The following DTNBP1 variants were observed in gnomAD, a reference collection of about 807,000 sequenced individuals.
DTNBP1 encodes the protein dystrobrevin binding protein 1.
A neutral mutation model predicts 42.8 loss-of-function variants in DTNBP1; 35 were observed. The observed-to-expected ratio is 0.82, with a 90% CI of 0.63 to 1.09. DTNBP1 has a LOEUF of 1.09. DTNBP1 is among the 50% of genes least tolerant of loss of function. The pLI is 0.00. For synonymous variants in DTNBP1, 171 were observed against 162.2 expected (o/e 1.05, Z -0.41); for missense variants, 457 against 424.2 (o/e 1.08, Z -0.68).
At chr6:15,551,757 G>A (rs887348372) in intron 7 of DTNBP1, among the ~76,000 whole-genome samples, 3 of 152,214 alleles carry the variant, frequency 2.0e-5, no homozygotes, top group Admixed American at 2.0e-4. Context: ...TGCCTGTCAT[G>A]GAGTTGGCGC....
At position 15,530,927 on chromosome 6, in the gene DTNBP1, A is replaced by T. The variant is rs1294950394; in HGVS notation, c.667+2313T>A. 2.0e-5 allele frequency among the ~76,000 whole-genome samples: 3 copies of T among 152,190 alleles called. No homozygotes were observed. The East Asian group carries it at 5.8e-4, about 29-fold the overall frequency. On this transcript the variant is annotated intron_variant, in intron 8 of 9. Coordinates refer to ENST00000344537, the MANE Select transcript of DTNBP1 (RefSeq NM_032122.5). ...TATGGACTGAATGTGTCCCCATAAA[A>T]TTTGTATGTTGAAGCCCTAACCCCC... is the stretch of plus-strand genomic sequence containing the variant.
At chr6:15,633,515 A>T (rs1759813001) in intron 4 of DTNBP1, among the ~76,000 whole-genome samples, 1 of 152,224 alleles carries the variant, frequency 6.6e-6, no homozygotes, top group Admixed American at 6.5e-5. Flanking sequence ...AAAAATAGCA[A>T]GAGAACTCGA....
At chr6:15,523,492 A>G (rs1225021766) in intron 9 of DTNBP1, 3 of 1,286,660 alleles carry the variant, frequency 2.3e-6, no homozygotes, top group East Asian at 8.4e-5. Context: ...ATACGCGTGT[A>G]ATAGAGGCCC....
At chr6:15,578,498 T>C (rs556535692) in intron 7 of DTNBP1, among the ~76,000 whole-genome samples, 2 of 152,302 alleles carry the variant, frequency 1.3e-5, no homozygotes, top group South Asian at 4.1e-4. Context: ...GCAGGCAGGA[T>C]GGAATTTAAC....
At chr6:15,586,718 C>T (rs1452740347) in intron 7 of DTNBP1, among the ~76,000 whole-genome samples, 1 of 152,228 alleles carries the variant, frequency 6.6e-6, no homozygotes, top group African/African-American at 2.4e-5. Context: ...CATTCCAATC[C>T]TCTGCCATCT....
Position 15,662,939 on chromosome 6 carries a change from C to G in DTNBP1, c.-70G>C, listed in dbSNP as rs756518979. On this transcript the variant is annotated 5_prime_UTR_variant, in exon 1 of 10. Transcript: ENST00000344537. ...TGCCTCTGTCGCCCCCTGGGTCCCA[C>G]GCCGCCAACCCCGCGCTGTCACCGC... The G allele has an allele frequency of 8.7e-5, 138 of 1,591,630 alleles. No homozygotes were observed. Among genetic ancestry groups the G allele is most frequent in the Non-Finnish European group, 1.0e-4 (123 of 1,173,672 alleles).
Position 15,523,182 on chromosome 6 carries a change from G to GA in DTNBP1, c.848dup (p.Gln284ProfsTer29). On this transcript the variant is annotated frameshift_variant, in exon 10 of 10. Transcript: ENST00000344537. LOFTEE classifies it low-confidence loss of function (END_TRUNC). The stretch of plus-strand genomic sequence containing the variant: ...TTAATTCTGAGGGATTTGGAACCTG[G>GA]AGGGTAATCTCATTCTGACAGGTAC... 6.2e-7 allele frequency: 1 copy of GA among 1,614,256 alleles called. No individual in the cohort carries two copies. The highest frequency in any genetic ancestry group is 8.5e-7 in the Non-Finnish European group (1 of 1,180,038).
intron 2 of DTNBP1, 118 bp from the exon 3 acceptor site, chr6:15,651,481 A>G: frequency 7.4e-7 from 1 of 1,351,150 alleles, no homozygotes; most frequent in South Asian, 1.2e-5. Context: ...ATCACTAATG[A>G]CAATTATTAA....
At chr6:15,658,092 C>T (rs975291529) in intron 1 of DTNBP1, among the ~76,000 whole-genome samples, 20 of 152,184 alleles carry the variant, frequency 1.3e-4, no homozygotes, top group Admixed American at 3.3e-4. Flanking sequence ...CTGTTTTAGA[C>T]ACCTTTGTAC....
At chr6:15,531,846 A>C (rs553653042) in intron 8 of DTNBP1, among the ~76,000 whole-genome samples, 1 of 152,256 alleles carries the variant, frequency 6.6e-6, no homozygotes, top group South Asian at 2.1e-4. Flanking sequence ...GTTGGCCAGG[A>C]TGGTCTCCAT....
intron 7 of DTNBP1, among the ~76,000 whole-genome samples, chr6:15,557,996 G>T (rs1310713548): frequency 6.6e-6 from 1 of 151,890 alleles, no homozygotes; most frequent in Non-Finnish European, 1.5e-5. Flanking sequence ...TAAATATGAA[G>T]TTGTGTTTGG....
intron 7 of DTNBP1, among the ~76,000 whole-genome samples, chr6:15,584,530 T>C (rs1389265742): frequency 6.6e-6 from 1 of 152,046 alleles, no homozygotes; most frequent in Non-Finnish European, 1.5e-5. Flanking sequence ...TGAGCTATCA[T>C]TTTACTTCTG....
intron 3 of DTNBP1, among the ~76,000 whole-genome samples, chr6:15,638,927 G>A (rs1338336210): frequency 6.6e-6 from 1 of 150,666 alleles, no homozygotes; most frequent in African/African-American, 2.4e-5. Context: ...CAACCTCTTG[G>A]ACTCAAGTGA....
chr6:15,641,010 G>C (rs1760314553), intron 3 of DTNBP1, among the ~76,000 whole-genome samples: 1 of 152,212 alleles, frequency 6.6e-6, no homozygotes, highest in Non-Finnish European at 1.5e-5. Flanking sequence ...CACAATTGCT[G>C]CTTCTAATCA....
intron 6 of DTNBP1, 121 bp from the exon 7 acceptor site, chr6:15,593,202 C>G (rs1004731663): frequency 1.7e-5 from 15 of 884,538 alleles, no homozygotes; most frequent in Non-Finnish European, 2.6e-5. Context: ...ATTTCTGGAT[C>G]TTCACATATC....
intron 1 of DTNBP1, among the ~76,000 whole-genome samples, chr6:15,660,934 A>C (rs1261982214): frequency 1.3e-5 from 2 of 152,100 alleles, no homozygotes; most frequent in Non-Finnish European, 2.9e-5. Context: ...TCACACCAAA[A>C]AGTTTTCAAT....
At chr6:15,630,399 C>T (rs758704736) in intron 4 of DTNBP1, among the ~76,000 whole-genome samples, 2 of 152,146 alleles carry the variant, frequency 1.3e-5, no homozygotes, top group Non-Finnish European at 2.9e-5. Context: ...GACAGTGAAA[C>T]AGTCAAATTC....
intron 4 of DTNBP1, among the ~76,000 whole-genome samples, chr6:15,630,342 A>T (rs921394880): frequency 2.7e-4 from 41 of 152,240 alleles, no homozygotes; most frequent in Non-Finnish European, 3.1e-4. Flanking sequence ...TTTGTGCAGC[A>T]AGGAGCAGAA....
At chr6:15,591,098 T>C (rs1276085547) in intron 7 of DTNBP1, among the ~76,000 whole-genome samples, 1 of 151,916 alleles carries the variant, frequency 6.6e-6, no homozygotes, top group Non-Finnish European at 1.5e-5. Context: ...CTGTTTTTCT[T>C]GTTATAGGGT....
Sources: allele counts gnomAD v4.1 joint callset (sites outside exome capture counted in the v4.1 genomes callset), GRCh38; gene constraint gnomAD v4.1.1; transcripts MANE v1.5; gene names NCBI Gene and HGNC (gene_info 2026-07-23, HGNC 2026-07-21).